Variants in CRPPA observed in about 807,000 individuals in gnomAD.
The protein encoded by CRPPA is D-ribitol-5-phosphate cytidylyltransferase.
A neutral mutation model predicts 52.0 loss-of-function variants in CRPPA; 43 were observed. The observed-to-expected ratio is 0.83, with a 90% CI of 0.65 to 1.07. CRPPA has a LOEUF of 1.07. Among genes scored for constraint, CRPPA ranks in the 50% least tolerant of loss-of-function variants. The pLI, the probability that CRPPA is intolerant of heterozygous loss-of-function variation, is 0.00. For synonymous variants in CRPPA, 250 were observed against 203.5 expected (o/e 1.23, Z -1.94); for missense variants, 629 against 551.7 (o/e 1.14, Z -1.40).
chr7:16,355,266 A>G (rs774750452), intron 3 of CRPPA, among the ~76,000 whole-genome samples: 3 of 152,190 alleles, frequency 2.0e-5, no homozygotes, highest in Non-Finnish European at 2.9e-5. Flanking sequence ...TACTGAGTGG[A>G]TACTCAATGA....
chr7:16,271,262 C>T (rs943554022), intron 6 of CRPPA, among the ~76,000 whole-genome samples: 3 of 152,028 alleles, frequency 2.0e-5, no homozygotes, highest in Non-Finnish European at 2.9e-5. Context: ...GGGTTGAACA[C>T]GCTTATATGC....
At chr7:16,143,488 G>A (rs1353654503) in intron 9 of CRPPA, among the ~76,000 whole-genome samples, 2 of 152,186 alleles carry the variant, frequency 1.3e-5, no homozygotes, top group Non-Finnish European at 2.9e-5. Flanking sequence ...CACCTGGAAT[G>A]AGGTACCAAC....
intron 9 of CRPPA, among the ~76,000 whole-genome samples, chr7:16,161,713 G>A (rs1780893095): frequency 6.6e-6 from 1 of 152,148 alleles, no homozygotes; most frequent in Non-Finnish European, 1.5e-5. Flanking sequence ...AATCAGTAGG[G>A]AGGAGTCCCT....
intron 9 of CRPPA, among the ~76,000 whole-genome samples, chr7:16,141,274 A>G (rs1405944232): frequency 1.3e-5 from 2 of 152,206 alleles, no homozygotes; most frequent in African/African-American, 4.8e-5. Context: ...AGAAAACACC[A>G]ATTTATAAAT....
chr7:16,153,688 ATTAAC>A (rs796530702), intron 9 of CRPPA, among the ~76,000 whole-genome samples: 1 of 152,278 alleles, frequency 6.6e-6, no homozygotes, highest in African/African-American at 2.4e-5. Context: ...AATGTTTCAC[ATTAAC>A]TTAATATCTC....
At chr7:16,254,766 AC>A (rs1783570275) in intron 8 of CRPPA, among the ~76,000 whole-genome samples, 7 of 145,764 alleles carry the variant, frequency 4.8e-5, no homozygotes, top group East Asian at 4.1e-4. Context: ...AGAAAGACAG[AC>A]ACACAGAAAG....
chr7:16,096,531 G>C (rs145389069), intron 9 of CRPPA, among the ~76,000 whole-genome samples: 2 of 152,086 alleles, frequency 1.3e-5, no homozygotes, highest in Non-Finnish European at 2.9e-5. Context: ...AGGCAGAGCA[G>C]AACACAGTAC....
chr7:16,141,764 T>A (rs1442470484), intron 9 of CRPPA, among the ~76,000 whole-genome samples: 2 of 152,216 alleles, frequency 1.3e-5, no homozygotes, highest in African/African-American at 4.8e-5. Flanking sequence ...TCTACCAATG[T>A]CAAACATTCA....
At chr7:16,166,930 CTTTT>C (rs34531146) in intron 9 of CRPPA, among the ~76,000 whole-genome samples, 13 of 139,976 alleles carry the variant, frequency 9.3e-5, no homozygotes, top group Admixed American at 1.4e-4. Flanking sequence ...TTCCAACCTA[CTTTT>C]TTTTTTTTTT....
intron 2 of CRPPA, among the ~76,000 whole-genome samples, chr7:16,395,078 C>G (rs1269734263): frequency 6.6e-6 from 1 of 152,142 alleles, no homozygotes; most frequent in African/African-American, 2.4e-5. Flanking sequence ...GCACATCTCC[C>G]TGAGAAGCTT....
chr7:16,108,765 A>G (rs1467649454), intron 9 of CRPPA, among the ~76,000 whole-genome samples: 1 of 151,942 alleles, frequency 6.6e-6, no homozygotes, highest in Non-Finnish European at 1.5e-5. Context: ...CTCTTTTCTG[A>G]CCACATAGTG....
intron 4 of CRPPA, 71 bp from the exon 5 acceptor site, chr7:16,301,537 C>A: frequency 9.0e-7 from 1 of 1,107,804 alleles, no homozygotes; most frequent in South Asian, 1.4e-5. Flanking sequence ...AATAATGCCC[C>A]CAAGGAAATT....
chr7:16,130,003 AT>A (rs1236381769), intron 9 of CRPPA, among the ~76,000 whole-genome samples: 1 of 152,124 alleles, frequency 6.6e-6, no homozygotes, highest in East Asian at 1.9e-4. Context: ...TAACTATCGA[AT>A]TTTTTAAAAA....
At chr7:16,144,168 T>C (rs2079851) in intron 9 of CRPPA, among the ~76,000 whole-genome samples, 272 of 152,272 alleles carry the variant, frequency 1.8e-3, no homozygotes, top group African/African-American at 6.2e-3. Flanking sequence ...AACAATGTTG[T>C]TCCTGTATGG....
chr7:16,260,150 C>T (rs935202716), intron 6 of CRPPA, among the ~76,000 whole-genome samples: 3 of 152,030 alleles, frequency 2.0e-5, no homozygotes, highest in Non-Finnish European at 2.9e-5. Context: ...TACAGGGAGA[C>T]AATTTTTCAA....
chr7:16,155,763 A>T (rs1055699714), intron 9 of CRPPA, among the ~76,000 whole-genome samples: 1 of 152,188 alleles, frequency 6.6e-6, no homozygotes, highest in African/African-American at 2.4e-5. Context: ...GGAGTCCAAA[A>T]TTTTATGTGG....
At chr7:16,338,744 A>T (rs1785747757) in intron 3 of CRPPA, among the ~76,000 whole-genome samples, 1 of 152,130 alleles carries the variant, frequency 6.6e-6, no homozygotes, top group Non-Finnish European at 1.5e-5. Flanking sequence ...CTATTAAGGA[A>T]ATTAAATCAA....
rs918977638 is a variant in CRPPA, at chr7:16,354,079, G to GA, written c.684+22012dup. Among the ~76,000 whole-genome samples the GA allele has an allele frequency of 4.2e-4, 63 of 150,898 alleles. 1 individual carries two copies. The highest frequency in any genetic ancestry group is 1.4e-3 in the African/African-American group (56 of 41,134). ...TACTATTTATCATTTAAACCTGATA[G>GA]AAAAAAAAATTGAGTTCAGTTTTTA... On this transcript the variant is annotated intron_variant, in intron 3 of 9. Transcript: ENST00000407010.
chr7:16,201,004 A>G (rs1425128676), intron 9 of CRPPA, among the ~76,000 whole-genome samples: 1 of 152,186 alleles, frequency 6.6e-6, no homozygotes, highest in Non-Finnish European at 1.5e-5. Context: ...TATGTCTAAT[A>G]ATGAAGAAAA....
Sources: gnomAD v4.1 joint callset for allele counts (sites outside exome capture counted in the v4.1 genomes callset) on GRCh38, gnomAD v4.1.1 for gene constraint, MANE v1.5 for transcripts, NCBI Gene and HGNC (gene_info 2026-07-23, HGNC 2026-07-21) for gene names.